CCDC171: variants seen among roughly 807,000 people sequenced by gnomAD.
CCDC171 encodes the protein coiled-coil domain containing 171, also known as coiled-coil domain-containing protein 171.
Under a neutral mutation model 168.2 loss-of-function variants are expected in CCDC171, and 177 were observed. That is an observed-to-expected ratio of 1.05 (90% CI 0.93 to 1.19). The LOEUF (loss-of-function observed/expected upper bound fraction) is 1.19. CCDC171 is among the 50% of genes most tolerant of loss of function. CCDC171 has a pLI of 0.00. For synonymous variants in CCDC171, 687 were observed against 540.8 expected, an observed-to-expected ratio of 1.27 and a Z score of -3.75; for missense variants, 1,991 against 1,539.0, an observed-to-expected ratio of 1.29 and a Z score of -4.91.
Position 15,784,637 on chromosome 9 carries a change from T to C in CCDC171, c.3210T>C (p.Leu1070=), listed in dbSNP as rs1244069324. ...AACTACAGGAATTGAATTATAAACT[T>C]GAATTGCACTCCAGTGAGGAAGCTG... is the stretch of plus-strand genomic sequence containing the variant. The part of the protein sequence containing the change: ...AQQLQELNYK[L]ELHSSEEADK... Residue 1070 remains leucine (L), a synonymous_variant, in exon 21 of 26, where the codon CTT becomes CTC. Coordinates refer to ENST00000380701, the MANE Select transcript of CCDC171 (RefSeq NM_173550.4). 1.9e-6 allele frequency: 3 copies of C among 1,613,458 alleles called. No homozygotes were observed. The highest frequency in any genetic ancestry group is 2.2e-5 in the East Asian group (1 of 44,834).
At chr9:15,642,315 GTA>G (rs150606956) in intron 7 of CCDC171, among the ~76,000 whole-genome samples, 74 of 121,424 alleles carry the variant, frequency 6.1e-4, no homozygotes, top group African/African-American at 1.2e-3. Flanking sequence ...ATGTATACAC[GTA>G]TATATATATA....
At chr9:15,566,806 T>TATATAAATATATAAAATAG (rs1401728250) in intron 2 of CCDC171, among the ~76,000 whole-genome samples, 2 of 152,218 alleles carry the variant, frequency 1.3e-5, no homozygotes, top group Non-Finnish European at 2.9e-5. Flanking sequence ...TTTATAATTT[T>TATATAAATATATAAAATAG]AGCTCTTATA....
intron 16 of CCDC171, among the ~76,000 whole-genome samples, chr9:15,743,720 AG>A (rs1170429283): frequency 2.0e-5 from 3 of 152,064 alleles, no homozygotes; most frequent in Non-Finnish European, 4.4e-5. Flanking sequence ...TGTCATGGGG[AG>A]GTAAGACAGA....
intron 11 of CCDC171, among the ~76,000 whole-genome samples, chr9:15,701,194 C>G (rs949550735): frequency 6.6e-6 from 1 of 152,150 alleles, no homozygotes; most frequent in African/African-American, 2.4e-5. Flanking sequence ...TACAGGTTGT[C>G]TCTTCACTCT....
At chr9:15,636,164 A>G (rs750585018) in intron 7 of CCDC171, among the ~76,000 whole-genome samples, 3 of 152,108 alleles carry the variant, frequency 2.0e-5, no homozygotes, top group Non-Finnish European at 4.4e-5. Context: ...GTATATATAT[A>G]TATATCTATA....
intron 21 of CCDC171, among the ~76,000 whole-genome samples, chr9:15,824,360 A>T (rs79201985): frequency 0.042 from 6,319 of 152,076 alleles, 304 homozygotes; most frequent in South Asian, 0.11. Flanking sequence ...GTTAATATAT[A>T]TGTGTATATA....
chr9:15,783,937 C>T (rs368384368), intron 20 of CCDC171, among the ~76,000 whole-genome samples: 1 of 152,232 alleles, frequency 6.6e-6, no homozygotes, highest in East Asian at 1.9e-4. Flanking sequence ...GGGGATGCTA[C>T]ACCTTTATAT....
At chr9:16,063,073 G>A (rs1432096927), downstream of CCDC171, among the ~76,000 whole-genome samples, 1 of 152,204 alleles carries the variant, frequency 6.6e-6, no homozygotes, top group South Asian at 2.1e-4. Flanking sequence ...GGCGCTCGGT[G>A]ACTATTTGTT....
chr9:15,684,644 A>G (rs1197763168), intron 10 of CCDC171, among the ~76,000 whole-genome samples: 1 of 152,200 alleles, frequency 6.6e-6, no homozygotes, highest in African/African-American at 2.4e-5. Flanking sequence ...AAAAGAGAAG[A>G]TGATTATGAA....
chr9:15,667,024 A>G (rs536841376), intron 9 of CCDC171, among the ~76,000 whole-genome samples: 1 of 152,332 alleles, frequency 6.6e-6, no homozygotes, highest in East Asian at 1.9e-4. Context: ...AGGCTAAACA[A>G]GAGTAAGGAC....
chr9:16,076,048 C>T, the CCDC171 span, among the ~76,000 whole-genome samples: 1 of 152,184 alleles, frequency 6.6e-6, no homozygotes, highest in Non-Finnish European at 1.5e-5. Flanking sequence ...GACTGTGATC[C>T]ACCAATGCAG....
At chr9:15,758,517 T>G (rs556143627) in intron 18 of CCDC171, among the ~76,000 whole-genome samples, 9 of 152,342 alleles carry the variant, frequency 5.9e-5, no homozygotes, top group African/African-American at 1.9e-4. Flanking sequence ...GACTTTGGAC[T>G]GTGGACTTTT....
At chr9:16,084,238 T>C in the CCDC171 span, among the ~76,000 whole-genome samples, 1 of 152,282 alleles carries the variant, frequency 6.6e-6, no homozygotes, top group East Asian at 1.9e-4. Context: ...AGTACCCCCT[T>C]GGTGGCTGAC....
At chr9:15,834,876 T>G (rs1164429169) in intron 21 of CCDC171, among the ~76,000 whole-genome samples, 4 of 152,228 alleles carry the variant, frequency 2.6e-5, no homozygotes, top group African/African-American at 9.6e-5. Flanking sequence ...TATCTTATTT[T>G]AGGAGTAAAA....
At chr9:15,565,173 C>T (rs1433822757) in intron 2 of CCDC171, among the ~76,000 whole-genome samples, 1 of 151,106 alleles carries the variant, frequency 6.6e-6, no homozygotes, top group Non-Finnish European at 1.5e-5. Flanking sequence ...CCTGCAACCT[C>T]CGCCTCCCGA....
intron 1 of CCDC171, among the ~76,000 whole-genome samples, chr9:16,050,180 C>G (rs1833728411): frequency 6.6e-6 from 1 of 152,212 alleles, no homozygotes; most frequent in South Asian, 2.1e-4. Context: ...AGCCACCGCA[C>G]CTGGCTTTCT....
intron 7 of CCDC171, among the ~76,000 whole-genome samples, chr9:15,627,755 G>T (rs1048043501): frequency 1.3e-5 from 2 of 152,170 alleles, no homozygotes; most frequent in African/African-American, 4.8e-5. Context: ...GTCAGTTTTG[G>T]AGTAAGTGTG....
At chr9:16,077,963 A>G in the CCDC171 span, among the ~76,000 whole-genome samples, 1 of 152,132 alleles carries the variant, frequency 6.6e-6, no homozygotes, top group Non-Finnish European at 1.5e-5. Flanking sequence ...ATAAAACCTA[A>G]TATACATTGT....
chr9:15,796,398 A>G (rs905697917), intron 21 of CCDC171, among the ~76,000 whole-genome samples: 3 of 152,236 alleles, frequency 2.0e-5, no homozygotes, highest in African/African-American at 4.8e-5. Flanking sequence ...ACCTATAAAC[A>G]TAGTAATGAG....
Sources: gnomAD v4.1 joint callset for allele counts (sites outside exome capture counted in the v4.1 genomes callset) on GRCh38, gnomAD v4.1.1 for gene constraint, MANE v1.5 for transcripts, NCBI Gene and HGNC (gene_info 2026-07-23, HGNC 2026-07-21) for gene names.